RGS3: variants seen among roughly 807,000 people sequenced by gnomAD.
RGS3 encodes regulator of G-protein signalling 3.
RGS3 carries 80 observed loss-of-function variants against 132.6 expected under a neutral mutation model. The observed-to-expected ratio is 0.60, with a 90% CI of 0.50 to 0.73. The LOEUF is 0.73. RGS3 is among the 30% of genes least tolerant of loss of function. The pLI, the probability that RGS3 is intolerant of heterozygous loss-of-function variation, is 0.00. For missense variants in RGS3, 1,382 were observed against 1,530.8 expected, an observed-to-expected ratio of 0.90 and a Z score of 1.62; for synonymous variants, 598 against 620.6, an observed-to-expected ratio of 0.96 and a Z score of 0.54.
At chr9:113,505,327 G>T in intron 10 of RGS3, 115 bp from the exon 9 acceptor site, 1 of 851,802 alleles carries the variant, frequency 1.2e-6, no homozygotes, top group East Asian at 2.6e-5. Context: ...TGTGCCTCCA[G>T]TTCCCTTGGA....
At chr9:113,498,391 C>T (rs1358173562) in intron 10 of RGS3, among the ~76,000 whole-genome samples, 1 of 152,138 alleles carries the variant, frequency 6.6e-6, no homozygotes, top group Non-Finnish European at 1.5e-5. Flanking sequence ...CTTCTCGGCC[C>T]CCTGCTTCCC....
At chr9:113,466,434 T>C (rs1829646243) in intron 3 of RGS3, among the ~76,000 whole-genome samples, 2 of 152,230 alleles carry the variant, frequency 1.3e-5, no homozygotes, top group African/African-American at 4.8e-5. Context: ...GGGAGAGTAC[T>C]GCATGATATA....
At chr9:113,568,587 AG>A (rs1292983291) in intron 19 of RGS3, among the ~76,000 whole-genome samples, 1 of 152,226 alleles carries the variant, frequency 6.6e-6, no homozygotes, top group Non-Finnish European at 1.5e-5. Context: ...GCAGAGAAGC[AG>A]CCCCCAGCCT....
At chr9:113,593,993 G>T (rs774349494) in intron 21 of RGS3, 1 of 1,613,022 alleles carries the variant, frequency 6.2e-7, no homozygotes. Context: ...GCTGTCCCTT[G>T]CAGACACATG....
intron 19 of RGS3, among the ~76,000 whole-genome samples, chr9:113,572,340 G>A (rs562079531): frequency 6.6e-6 from 1 of 152,090 alleles, no homozygotes; most frequent in Admixed American, 6.5e-5. Context: ...TGTAAATTCA[G>A]CCAAACCTAG....
At chr9:113,572,418 G>A (rs1428474716) in intron 19 of RGS3, among the ~76,000 whole-genome samples, 1 of 152,092 alleles carries the variant, frequency 6.6e-6, no homozygotes, top group South Asian at 2.1e-4. Context: ...GGCTGAGTGT[G>A]CCTGAGGCTC....
At chr9:113,562,313 T>A (rs996639198) in intron 19 of RGS3, among the ~76,000 whole-genome samples, 3 of 151,728 alleles carry the variant, frequency 2.0e-5, no homozygotes, top group Non-Finnish European at 4.4e-5. Context: ...CCACCTCTAC[T>A]AAAAATGCAA....
Position 113,507,547 on chromosome 9 carries a change from G to A in RGS3, c.1346G>A (p.Gly449Glu), listed in dbSNP as rs769470922. Residue 449 changes from glycine to glutamate, a missense_variant, in exon 13 of 25, where the codon GGG becomes GAG. Coordinates refer to ENST00000350696, the Ensembl canonical transcript of RGS3. This position sits in a 1 kb window ranked among gnomAD's most constrained non-coding sequence, Gnocchi z 5.0. ...CGCTACACCGAGGTGGCCAAGCGCGGGGGCCAGCACACCCTGCCTGCACTG... is the reference window on the plus strand; with the variant it reads ...CGCTACACCGAGGTGGCCAAGCGCGAGGGCCAGCACACCCTGCCTGCACTG... 2.4e-5 allele frequency: 39 copies of A among 1,592,866 alleles called. No individual in the cohort carries two copies. The highest frequency in any genetic ancestry group is 3.0e-5 in the Non-Finnish European group (35 of 1,168,896).
chr9:113,452,734 GTCT>G (rs111765436), intron 1 of RGS3, among the ~76,000 whole-genome samples: 3,723 of 150,520 alleles, frequency 0.025, 67 homozygotes, highest in Admixed American at 0.038. Flanking sequence ...ATTTATTTTG[GTCT>G]TCTTTGTGTT....
At chr9:113,582,714 G>C (rs1035289495) in intron 19 of RGS3, 1 of 152,126 alleles carries the variant, frequency 6.6e-6, no homozygotes. Context: ...CTAGGATCCC[G>C]AGGGTTGTGT....
intron 19 of RGS3, among the ~76,000 whole-genome samples, chr9:113,547,350 G>A (rs1833157554): frequency 6.6e-6 from 1 of 152,122 alleles, no homozygotes; most frequent in African/African-American, 2.4e-5. Context: ...TAGACAGAAA[G>A]GGGTCCTCAT....
At chr9:113,483,148 G>T (rs1473282811) in intron 5 of RGS3, 31 bp downstream of exon 3, 2 of 1,491,736 alleles carry the variant, frequency 1.3e-6, no homozygotes, top group South Asian at 2.3e-5. Flanking sequence ...TGGAGAGTGG[G>T]ATATTGAGGG....
At chr9:113,483,092 C>T in exon 5 of RGS3, 4 of 1,613,404 alleles carry the variant, frequency 2.5e-6, no homozygotes, top group Non-Finnish European at 3.4e-6. Context: ...AGCAAACAGC[C>T]TGGCACCTGT....
At chr9:113,531,039 A>G (rs368105846) in intron 18 of RGS3, among the ~76,000 whole-genome samples, 1 of 152,170 alleles carries the variant, frequency 6.6e-6, no homozygotes. Flanking sequence ...CAGGATTTGG[A>G]GAAGTTTTTT....
At chr9:113,487,715 A>G (rs1191683009) in intron 7 of RGS3, among the ~76,000 whole-genome samples, 1 of 152,194 alleles carries the variant, frequency 6.6e-6, no homozygotes, top group African/African-American at 2.4e-5. Flanking sequence ...AAGGTTAAGT[A>G]CAAAGTAGGG....
chr9:113,542,831 A>C (rs1317335223), intron 19 of RGS3, among the ~76,000 whole-genome samples: 4 of 152,120 alleles, frequency 2.6e-5, no homozygotes, highest in African/African-American at 9.7e-5. Flanking sequence ...TTGTGATAGG[A>C]AGCTGCCACA....
chr9:113,558,360 G>T (rs547839861), intron 19 of RGS3, among the ~76,000 whole-genome samples: 1 of 152,074 alleles, frequency 6.6e-6, no homozygotes, highest in East Asian at 1.9e-4. Flanking sequence ...AAAATTAGCC[G>T]GACGTGGTGG....
intron 16 of RGS3, chr9:113,522,610 C>G (rs1027288426): frequency 3.2e-6 from 1 of 312,394 alleles, no homozygotes; most frequent in African/African-American, 2.1e-5. Flanking sequence ...GAGATGTAGG[C>G]TTCGGGGATC....
intron 19 of RGS3, chr9:113,541,416 C>G: frequency 1.2e-6 from 2 of 1,613,632 alleles, no homozygotes; most frequent in Non-Finnish European, 1.7e-6. Context: ...AGGACAGACT[C>G]TGATTGGCTG....
Sources: gnomAD v4.1 joint callset for allele counts (sites outside exome capture counted in the v4.1 genomes callset) on GRCh38, gnomAD v4.1.1 for gene constraint, Gnocchi (gnomAD v3.1) non-coding constraint, MANE v1.5 for transcripts, NCBI Gene and HGNC (gene_info 2026-07-23, HGNC 2026-07-21) for gene names.